Variants in GDPD5 observed in about 807,000 individuals in gnomAD.
GDPD5 encodes the protein glycerophosphodiester phosphodiesterase 2.
A neutral mutation model predicts 75.1 loss-of-function variants in GDPD5; 48 were observed. That is an observed-to-expected ratio of 0.64 (90% CI 0.51 to 0.81). GDPD5 has a LOEUF of 0.81. GDPD5 is among the 40% of genes least tolerant of loss of function. The probability of loss-of-function intolerance (pLI) is 0.00; values close to 1 mark genes in which losing one functional copy is unlikely to be tolerated. For missense variants in GDPD5, 706 were observed against 822.6 expected (o/e 0.86, Z 1.73); for synonymous variants, 336 against 339.0 (o/e 0.99, Z 0.10).
intron 3 of GDPD5, among the ~76,000 whole-genome samples, chr11:75,464,278 C>T (rs890437209): frequency 1.3e-5 from 2 of 152,236 alleles, no homozygotes; most frequent in Non-Finnish European, 2.9e-5. Context: ...ACTCAGTTTT[C>T]ACCTCTATGA....
At chr11:75,520,336 A>G (rs370934155) in intron 1 of GDPD5, among the ~76,000 whole-genome samples, 3 of 152,292 alleles carry the variant, frequency 2.0e-5, no homozygotes, top group African/African-American at 7.2e-5. Context: ...ATCTCATTTA[A>G]TAACAGTTAT....
intron 15 of GDPD5, chr11:75,438,632 G>C (rs1426566168): frequency 6.6e-6 from 1 of 152,342 alleles, no homozygotes; most frequent in African/African-American, 2.4e-5. Flanking sequence ...GAGGGGCTAA[G>C]GCACTAGACG....
chr11:75,459,956 A>G (rs947709302), intron 4 of GDPD5, among the ~76,000 whole-genome samples: 3 of 152,204 alleles, frequency 2.0e-5, no homozygotes, highest in African/African-American at 7.2e-5. Context: ...GGACCTTGCC[A>G]GACAGCTGGG....
intron 3 of GDPD5, among the ~76,000 whole-genome samples, chr11:75,468,625 C>T (rs1455762004): frequency 1.3e-5 from 2 of 152,132 alleles, no homozygotes; most frequent in African/African-American, 4.8e-5. Context: ...CTCCCATGCA[C>T]GGCATCTGGT....
chr11:75,457,901 G>A (rs576159267), intron 4 of GDPD5, 115 bp from the exon 5 acceptor site: 8 of 729,270 alleles, frequency 1.1e-5, no homozygotes, highest in African/African-American at 3.5e-5. Context: ...TGACCAGGCT[G>A]TGCCCACCTA....
In GDPD5 at chr11:75,507,966, C is replaced by CT. The variant is rs372045373; in HGVS notation, c.-145+17243dup. Among the ~76,000 whole-genome samples the CT allele has an allele frequency of 6.1e-4, 91 of 147,992 alleles. 2 individuals are homozygous for CT. The East Asian group carries it at 9.4e-3, about 15-fold the overall frequency. ...CCCAGCACCCACTATCTATCAGTTG[C>CT]TTTTTTTTTTTCCACAGTAGGATTT... On this transcript the variant is annotated intron_variant, in intron 1 of 16. Coordinates refer to ENST00000336898, the MANE Select transcript of GDPD5 (RefSeq NM_030792.8).
intron 4 of GDPD5, 62 bp from the exon 5 acceptor site, chr11:75,457,848 C>T (rs2135271052): frequency 7.5e-7 from 1 of 1,341,308 alleles, no homozygotes; most frequent in East Asian, 2.3e-5. Context: ...GCCCAGGAAT[C>T]AGGATGGTCT....
At chr11:75,482,155 A>G (rs1469902938) in intron 2 of GDPD5, among the ~76,000 whole-genome samples, 1 of 151,782 alleles carries the variant, frequency 6.6e-6, no homozygotes, top group Non-Finnish European at 1.5e-5. Context: ...CAACCCACCC[A>G]GGAATGGAAA....
intron 6 of GDPD5, chr11:75,452,838 T>G (rs1401909547): frequency 6.6e-6 from 1 of 152,320 alleles, no homozygotes; most frequent in Non-Finnish European, 1.5e-5. Context: ...TGGTACCCAG[T>G]GCTCCTCTCT....
intron 4 of GDPD5, among the ~76,000 whole-genome samples, chr11:75,461,380 T>C (rs1268273186): frequency 6.6e-6 from 1 of 152,208 alleles, no homozygotes; most frequent in Non-Finnish European, 1.5e-5. Context: ...CCGGCTCATC[T>C]TGCTTGGCTG....
intron 4 of GDPD5, among the ~76,000 whole-genome samples, chr11:75,459,426 C>T (rs192921041): frequency 1.4e-4 from 22 of 151,904 alleles, no homozygotes; most frequent in Admixed American, 3.9e-4. Context: ...ATCTCAGCCT[C>T]CCCAGTACCT....
intron 3 of GDPD5, among the ~76,000 whole-genome samples, chr11:75,469,756 G>A (rs1391550770): frequency 6.6e-6 from 1 of 152,242 alleles, no homozygotes; most frequent in East Asian, 1.9e-4. Context: ...AAGAGATTAG[G>A]ACATTAGCAT....
intron 1 of GDPD5, among the ~76,000 whole-genome samples, chr11:75,504,120 C>T (rs757494747): frequency 1.6e-4 from 25 of 152,206 alleles, no homozygotes; most frequent in Non-Finnish European, 3.2e-4. Context: ...TGCTCAGCTG[C>T]CCTCATGGAT....
chr11:75,448,149 C>T (rs1220815918), intron 9 of GDPD5, among the ~76,000 whole-genome samples: 1 of 152,174 alleles, frequency 6.6e-6, no homozygotes, highest in African/African-American at 2.4e-5. Flanking sequence ...GAAGTGCTCA[C>T]ACACACCCCC....
chr11:75,449,848 CTTG>C (rs754794083), intron 7 of GDPD5, 34 bp downstream of exon 7: 3 of 1,590,508 alleles, frequency 1.9e-6, no homozygotes, highest in Admixed American at 1.7e-5. Flanking sequence ...CAGAAAGGCT[CTTG>C]TTGTGAGGGT....
rs543829963 is a variant in GDPD5 at position 75,448,587 on chromosome 11, G to A, written c.714+390C>T. 9.1e-5 allele frequency: 92 copies of A among 1,007,172 alleles called. No homozygotes were observed. The South Asian group carries it at 1.1e-3, about 12-fold the overall frequency. 62.4% of individuals were successfully genotyped at this position (1,007,172 alleles called of 1,614,324 possible). A position where few individuals can be genotyped will look rare whatever the true frequency, so the allele number is the denominator to read the frequency against. ...TTCTCCAACTCACGTCGGTTCAGCCGTACTCACTGTCACAGTGGGCTCTGA... is the reference window on the plus strand; with the variant it reads ...TTCTCCAACTCACGTCGGTTCAGCCATACTCACTGTCACAGTGGGCTCTGA... On this transcript the variant is annotated intron_variant, in intron 9 of 16. Coordinates refer to ENST00000336898, the MANE Select transcript of GDPD5 (RefSeq NM_030792.8).
At chr11:75,465,960 C>T (rs1028566460) in intron 3 of GDPD5, among the ~76,000 whole-genome samples, 2 of 152,232 alleles carry the variant, frequency 1.3e-5, no homozygotes, top group African/African-American at 2.4e-5. Flanking sequence ...CCACAGGGGC[C>T]GGGAGGGCCC....
intron 3 of GDPD5, among the ~76,000 whole-genome samples, chr11:75,465,632 T>C (rs1019744153): frequency 6.6e-6 from 1 of 152,144 alleles, no homozygotes; most frequent in African/African-American, 2.4e-5. Flanking sequence ...CCAGGAGAGA[T>C]TCCCCTGAGG....
chr11:75,477,347 G>C (rs984506067), intron 3 of GDPD5, among the ~76,000 whole-genome samples: 1 of 152,250 alleles, frequency 6.6e-6, no homozygotes. Context: ...GCTCACCTTG[G>C]GGTGACCCTT....
Sources: gnomAD v4.1 joint callset for allele counts (sites outside exome capture counted in the v4.1 genomes callset) on GRCh38, gnomAD v4.1.1 for gene constraint, MANE v1.5 for transcripts, NCBI Gene and HGNC (gene_info 2026-07-23, HGNC 2026-07-21) for gene names.